RNF157: variants seen among roughly 807,000 people sequenced by gnomAD.
RNF157 encodes E3 ubiquitin ligase RNF157.
RNF157 carries 55 observed loss-of-function variants against 88.3 expected under a neutral mutation model. That is an observed-to-expected ratio of 0.62 (90% confidence interval 0.50 to 0.78). The LOEUF is 0.78. Among genes scored for constraint, RNF157 ranks in the 30% least tolerant of loss-of-function variants. RNF157 has a pLI of 0.00. For missense variants in RNF157, 788 were observed against 860.8 expected (o/e 0.92, Z 1.06); for synonymous variants, 334 against 341.2 (o/e 0.98, Z 0.23).
At chr17:76,175,744 C>T (rs1333759403) in intron 2 of RNF157, 4 of 984,808 alleles carry the variant, frequency 4.1e-6, no homozygotes, top group Non-Finnish European at 3.6e-6. Flanking sequence ...TCCATAACTC[C>T]TACCTGCATT....
chr17:76,163,574 C>A (rs1271300580), intron 8 of RNF157: 2 of 152,224 alleles, frequency 1.3e-5, no homozygotes, highest in South Asian at 4.1e-4. Context: ...TCTAAGTTGG[C>A]CCTGCCCCAT....
At chr17:76,166,975 T>C (rs767889910) in intron 5 of RNF157, 34 bp downstream of exon 5, 2 of 1,491,900 alleles carry the variant, frequency 1.3e-6, no homozygotes, top group South Asian at 2.3e-5. Context: ...CCCTTCTGAG[T>C]GGATGTGGGA....
intron 2 of RNF157, among the ~76,000 whole-genome samples, chr17:76,208,837 G>C (rs2145010181): frequency 6.6e-6 from 1 of 152,152 alleles, no homozygotes; most frequent in South Asian, 2.1e-4. Flanking sequence ...AGCCAGGTGT[G>C]GTGGCAGGCA....
At position 76,149,486 on chromosome 17, in the gene RNF157, A is replaced by G. The variant is rs545501048; in HGVS notation, c.1921+2869T>C. Among the ~76,000 whole-genome samples the G allele has an allele frequency of 2.0e-5, 3 of 152,242 alleles. No individual in the cohort carries two copies. In the East Asian group the frequency reaches 5.8e-4, roughly 30 times the overall value. On this transcript the variant is annotated intron_variant, in intron 18 of 18. Transcript: ENST00000269391. ...GCCAGTGGTATCTCAGCCCCAGGAT[A>G]GAAAGCTGAACTTACAGCTGAGTGT...
intron 2 of RNF157, among the ~76,000 whole-genome samples, chr17:76,184,970 A>T (rs1007141436): frequency 6.6e-6 from 1 of 152,236 alleles, no homozygotes; most frequent in Non-Finnish European, 1.5e-5. Flanking sequence ...ACAGTTAAGC[A>T]ATTCTCTCTG....
chr17:76,240,473 C>A lies in RNF157; in HGVS notation c.-233G>T, dbSNP rs2070362401. 6.8e-6 allele frequency: 1 copy of A among 146,426 alleles called. No individual in the cohort carries two copies. The highest frequency in any genetic ancestry group is 2.5e-5 in the African/African-American group (1 of 40,770). 9.1% of individuals were successfully genotyped at this position (146,426 alleles called of 1,614,324 possible). On this transcript the variant is annotated 5_prime_UTR_variant, in exon 1 of 19. Transcript: ENST00000269391. The surrounding 1 kb of genome is among the most constrained non-coding windows in gnomAD (Gnocchi z 4.4). ...GGCTGCGGGTCTGGGCCGGGGGCGC[C>A]GCCGCCGCCTCAGGCCGCGTGATGT...
intron 1 of RNF157, among the ~76,000 whole-genome samples, 196 bp from the exon 2 acceptor site, chr17:76,212,678 A>G (rs2069823015): frequency 6.6e-6 from 1 of 152,156 alleles, no homozygotes; most frequent in African/African-American, 2.4e-5. Flanking sequence ...CCTGGCCAAC[A>G]TGGCAAAACC....
intron 13 of RNF157, among the ~76,000 whole-genome samples, chr17:76,156,954 TCTTTTTTTTTTCA>T (rs1165720169): frequency 6.6e-6 from 1 of 151,670 alleles, no homozygotes; most frequent in South Asian, 2.1e-4. Flanking sequence ...ACGCAGTCCT[TCTTTTTTTTTTCA>T]CTTTTTTTTT....
chr17:76,147,939 G>T (rs529432703), intron 18 of RNF157, among the ~76,000 whole-genome samples: 1 of 152,312 alleles, frequency 6.6e-6, no homozygotes, highest in Non-Finnish European at 1.5e-5. Flanking sequence ...GATTTTGGGA[G>T]TACATTCAGG....
intron 1 of RNF157, among the ~76,000 whole-genome samples, chr17:76,213,949 C>T (rs2069845798): frequency 6.6e-6 from 1 of 152,156 alleles, no homozygotes; most frequent in Admixed American, 6.5e-5. Flanking sequence ...CACATAACCT[C>T]GCCCTATGTA....
rs1361858988 is a variant in RNF157, at chr17:76,161,640, C to T, written c.960G>A (p.Arg320=). ...NNCPICRLPF[R]ALLQIRAMRK... is the part of the protein sequence containing the mutation. ...TCATGGCTCGGATCTGAAGCAGTGCCCGGAAGGCTGTGAAGGAGAAAACAG... is the reference window on the plus strand; with the variant it reads ...TCATGGCTCGGATCTGAAGCAGTGCTCGGAAGGCTGTGAAGGAGAAAACAG... Residue 320 remains arginine, a synonymous_variant, in exon 11 of 19, where the codon CGG becomes CGA. Coordinates refer to ENST00000269391, the MANE Select transcript of RNF157 (RefSeq NM_052916.3). This position sits in a 1 kb window ranked among gnomAD's most constrained non-coding sequence, Gnocchi z 4.6. 1.2e-6 allele frequency: 2 copies of T among 1,613,638 alleles called. No individual in the cohort carries two copies. Among genetic ancestry groups the T allele is most frequent in the Non-Finnish European group, 1.7e-6 (2 of 1,179,748 alleles).
intron 2 of RNF157, among the ~76,000 whole-genome samples, chr17:76,182,319 T>C (rs1438887149): frequency 6.6e-6 from 1 of 152,142 alleles, no homozygotes; most frequent in African/African-American, 2.4e-5. Context: ...GCTCATCAGC[T>C]TCCTTTTACC....
At chr17:76,172,576 C>T (rs191780949) in intron 3 of RNF157, among the ~76,000 whole-genome samples, 5 of 129,300 alleles carry the variant, frequency 3.9e-5, no homozygotes, top group African/African-American at 1.6e-4. Context: ...CATTGCACTC[C>T]AGCCTGGGCA....
At chr17:76,188,204 C>A (rs2069325644) in intron 2 of RNF157, among the ~76,000 whole-genome samples, 1 of 152,190 alleles carries the variant, frequency 6.6e-6, no homozygotes, top group Non-Finnish European at 1.5e-5. Flanking sequence ...CATACTCTAT[C>A]ATGCTCCAAC....
intron 1 of RNF157, chr17:76,226,359 T>C: frequency 6.3e-7 from 1 of 1,596,500 alleles, no homozygotes; most frequent in Non-Finnish European, 8.6e-7. Context: ...TGGTCGGGTT[T>C]TGTTAAACTT....
chr17:76,147,347 A>G (rs749676411), intron 18 of RNF157: 1 of 986,670 alleles, frequency 1.0e-6, no homozygotes, highest in African/African-American at 1.7e-5. Flanking sequence ...ATGGTAAACA[A>G]GAGAGAAGAC....
At chr17:76,239,742 GCC>G (rs1159861686) in intron 1 of RNF157, among the ~76,000 whole-genome samples, 1 of 152,166 alleles carries the variant, frequency 6.6e-6, no homozygotes, top group Non-Finnish European at 1.5e-5. Context: ...CTCCCTCGCG[GCC>G]CTCGGACCCC....
At chr17:76,218,169 G>A (rs918913691) in intron 1 of RNF157, among the ~76,000 whole-genome samples, 8 of 152,140 alleles carry the variant, frequency 5.3e-5, no homozygotes, top group African/African-American at 1.9e-4. Context: ...TCAGTAAAAT[G>A]ACTGACCTTT....
At chr17:76,194,807 A>G (rs1005254174) in intron 2 of RNF157, among the ~76,000 whole-genome samples, 2 of 152,134 alleles carry the variant, frequency 1.3e-5, no homozygotes, top group Non-Finnish European at 2.9e-5. Flanking sequence ...CGAGGTCAGG[A>G]GATCGAGACC....
Sources: allele counts gnomAD v4.1 joint callset (sites outside exome capture counted in the v4.1 genomes callset), GRCh38; gene constraint gnomAD v4.1.1; non-coding constraint Gnocchi (gnomAD v3.1); transcripts MANE v1.5; gene names NCBI Gene and HGNC (gene_info 2026-07-23, HGNC 2026-07-21).